Variants in LRCH1 observed in about 807,000 individuals in gnomAD.
The protein encoded by LRCH1 is leucine-rich repeat and calponin homology domain-containing protein 1.
Under a neutral mutation model 94.9 loss-of-function variants are expected in LRCH1, and 23 were observed. That is an observed-to-expected ratio of 0.24 (90% confidence interval 0.17 to 0.34). The LOEUF (loss-of-function observed/expected upper bound fraction) is 0.34. Among genes scored for constraint, LRCH1 ranks in the 10% least tolerant of loss-of-function variants. The probability of loss-of-function intolerance (pLI) is 1.00; values close to 1 mark genes in which losing one functional copy is unlikely to be tolerated. For missense variants in LRCH1, 790 were observed against 945.9 expected, an observed-to-expected ratio of 0.84 and a Z score of 2.16; for synonymous variants, 364 against 354.9, an observed-to-expected ratio of 1.03 and a Z score of -0.29.
intron 1 of LRCH1, among the ~76,000 whole-genome samples, chr13:46,611,781 T>C (rs1356862245): frequency 6.6e-6 from 1 of 152,240 alleles, no homozygotes; most frequent in African/African-American, 2.4e-5. Flanking sequence ...AAATAAAATG[T>C]ACTATTAAAA....
intron 2 of LRCH1, among the ~76,000 whole-genome samples, chr13:46,651,528 C>T (rs1274828002): frequency 6.6e-6 from 1 of 151,796 alleles, no homozygotes; most frequent in Admixed American, 6.6e-5. Flanking sequence ...GGCGTGGTGG[C>T]GCATGCCTAT....
intron 3 of LRCH1, among the ~76,000 whole-genome samples, chr13:46,681,202 T>G (rs1259766904): frequency 1.3e-5 from 2 of 152,208 alleles, no homozygotes; most frequent in Non-Finnish European, 2.9e-5. Context: ...TTTAAATAAA[T>G]AGTGCATCCA....
intron 2 of LRCH1, among the ~76,000 whole-genome samples, chr13:46,657,446 A>G (rs371242672): frequency 7.3e-5 from 10 of 136,780 alleles, no homozygotes; most frequent in Admixed American, 3.7e-4. Context: ...GATCATCACC[A>G]CCACCACTTT....
At chr13:46,597,987 G>GAT (rs2050583930) in intron 1 of LRCH1, among the ~76,000 whole-genome samples, 1 of 152,050 alleles carries the variant, frequency 6.6e-6, no homozygotes, top group Non-Finnish European at 1.5e-5. Context: ...GAATAACAAG[G>GAT]ATCACTGTGT....
chr13:46,700,601 G>A (rs1871412129), intron 10 of LRCH1, among the ~76,000 whole-genome samples: 1 of 152,186 alleles, frequency 6.6e-6, no homozygotes, highest in African/African-American at 2.4e-5. Flanking sequence ...CTCCTAGTCA[G>A]ACCCACTTGG....
At chr13:46,574,332 C>A (rs1022520763) in intron 1 of LRCH1, among the ~76,000 whole-genome samples, 2 of 151,656 alleles carry the variant, frequency 1.3e-5, no homozygotes, top group Non-Finnish European at 2.9e-5. Context: ...CTACTATGTA[C>A]CCCCAGAAAT....
intron 1 of LRCH1, among the ~76,000 whole-genome samples, chr13:46,600,697 ACTG>A (rs1463993884): frequency 2.0e-5 from 3 of 151,670 alleles, no homozygotes; most frequent in Admixed American, 6.6e-5. Context: ...GTTTACAGTT[ACTG>A]CTAAGGATAT....
At chr13:46,734,449 A>G (rs1593384824) in intron 19 of LRCH1, among the ~76,000 whole-genome samples, 1 of 152,248 alleles carries the variant, frequency 6.6e-6, no homozygotes, top group African/African-American at 2.4e-5. Flanking sequence ...TAAAAAAATC[A>G]ACATTGGAAA....
chr13:46,627,523 G>A (rs1208315443), intron 1 of LRCH1, among the ~76,000 whole-genome samples: 4 of 152,174 alleles, frequency 2.6e-5, no homozygotes, highest in Non-Finnish European at 4.4e-5. Context: ...AGTTGAGGAC[G>A]TTGTCCAGTG....
At chr13:46,593,648 G>A (rs1434285879) in intron 1 of LRCH1, among the ~76,000 whole-genome samples, 3 of 152,136 alleles carry the variant, frequency 2.0e-5, no homozygotes, top group African/African-American at 2.4e-5. Context: ...GTGAGTTTGC[G>A]GCATGCCCCT....
At chr13:46,609,913 GT>G in intron 1 of LRCH1, among the ~76,000 whole-genome samples, 1 of 152,258 alleles carries the variant, frequency 6.6e-6, no homozygotes, top group Non-Finnish European at 1.5e-5. Flanking sequence ...CATTGGAAGC[GT>G]TAAACAAGTG....
chr13:46,650,688 GAA>G (rs1309796655), intron 2 of LRCH1, among the ~76,000 whole-genome samples: 4 of 114,344 alleles, frequency 3.5e-5, no homozygotes, highest in Non-Finnish European at 7.0e-5. Context: ...TAAAGGAAGT[GAA>G]AAAGAGTTTG....
Position 46,743,340 on chromosome 13 carries a change from G to A in LRCH1, c.*1492G>A. 1 of 985,858 alleles carries A rather than the reference G, an allele frequency of 1.0e-6. No homozygotes were observed. The highest frequency in any genetic ancestry group is 1.2e-6 in the Non-Finnish European group (1 of 829,936). The allele number at this position is 985,858 out of a possible 1,614,324, so 61.1% of individuals were successfully genotyped here. On this transcript the variant is annotated 3_prime_UTR_variant, in exon 20 of 20. Transcript: ENST00000389797. ...TAAGTCAGATCAGATTTGCTAACAG[G>A]AAGCATTCTTTACATGACAGTATCT... is the stretch of plus-strand genomic sequence containing the variant.
At chr13:46,648,343 C>T (rs182344398) in intron 1 of LRCH1, among the ~76,000 whole-genome samples, 1 of 152,322 alleles carries the variant, frequency 6.6e-6, no homozygotes, top group East Asian at 1.9e-4. Context: ...CAGCCTGACA[C>T]TCACCTCCTG....
intron 1 of LRCH1, among the ~76,000 whole-genome samples, chr13:46,618,857 C>A (rs1050854968): frequency 2.0e-5 from 3 of 152,122 alleles, no homozygotes; most frequent in East Asian, 1.9e-4. Flanking sequence ...CACTTAGAAC[C>A]TTTCTACTGC....
intron 1 of LRCH1, among the ~76,000 whole-genome samples, chr13:46,598,764 T>G (rs2050594590): frequency 6.6e-6 from 1 of 152,134 alleles, no homozygotes; most frequent in Admixed American, 6.5e-5. Context: ...ACAGGATCCT[T>G]GAGAAGTTGT....
intron 1 of LRCH1, among the ~76,000 whole-genome samples, chr13:46,630,810 G>T (rs1441285313): frequency 1.3e-5 from 2 of 152,204 alleles, no homozygotes; most frequent in Non-Finnish European, 2.9e-5. Context: ...ATGAAAGACA[G>T]TAAAATAAAC....
intron 2 of LRCH1, among the ~76,000 whole-genome samples, chr13:46,658,080 T>G (rs749145301): frequency 2.0e-4 from 30 of 152,208 alleles, no homozygotes; most frequent in Non-Finnish European, 4.3e-4. Context: ...GACAGTTTCA[T>G]AATTATGAAA....
At chr13:46,705,201 A>G (rs748393478) in intron 12 of LRCH1, 44 bp downstream of exon 12, 15 of 1,589,938 alleles carry the variant, frequency 9.4e-6, no homozygotes, top group Admixed American at 3.5e-5. Context: ...TCTTTTCATA[A>G]TACATTGACA....
Sources: allele counts gnomAD v4.1 joint callset (sites outside exome capture counted in the v4.1 genomes callset), GRCh38; gene constraint gnomAD v4.1.1; transcripts MANE v1.5; gene names NCBI Gene and HGNC (gene_info 2026-07-23, HGNC 2026-07-21).